GABRB1: variants seen among roughly 807,000 people sequenced by gnomAD.
GABRB1 encodes gamma-aminobutyric acid receptor subunit beta-1.
In GABRB1, 17 loss-of-function variants were observed where a neutral mutation model predicts 51.6. The observed-to-expected ratio is 0.33, with a 90% confidence interval of 0.23 to 0.49. GABRB1 has a LOEUF of 0.49. Ranked by LOEUF, GABRB1 falls within the 20% of genes least tolerant of loss-of-function variation. The pLI is 0.99. For missense variants in GABRB1, 410 were observed against 600.6 expected (o/e 0.68, Z 3.32); for synonymous variants, 247 against 218.9 (o/e 1.13, Z -1.14).
At chr4:47,323,290 A>G (rs2109966001) in intron 5 of GABRB1, among the ~76,000 whole-genome samples, 1 of 152,328 alleles carries the variant, frequency 6.6e-6, no homozygotes, top group South Asian at 2.1e-4. Flanking sequence ...TTTACTTAAA[A>G]TGAATCCCTT....
chr4:47,050,416 T>C (rs555645680), intron 3 of GABRB1, among the ~76,000 whole-genome samples: 156 of 149,488 alleles, frequency 1.0e-3, no homozygotes, highest in African/African-American at 3.2e-3. Flanking sequence ...AGGCAACAAA[T>C]ATATGTATAT....
intron 3 of GABRB1, among the ~76,000 whole-genome samples, chr4:47,058,580 C>T (rs1726716221): frequency 6.6e-6 from 1 of 152,060 alleles, no homozygotes; most frequent in Non-Finnish European, 1.5e-5. Flanking sequence ...ATTAGATTAC[C>T]CAGGAATGTT....
At chr4:47,055,016 A>G (rs1726527974) in intron 3 of GABRB1, among the ~76,000 whole-genome samples, 1 of 152,210 alleles carries the variant, frequency 6.6e-6, no homozygotes, top group Admixed American at 6.5e-5. Context: ...TCATGGCAGA[A>G]CCTGAACTGT....
intron 3 of GABRB1, among the ~76,000 whole-genome samples, chr4:47,122,919 T>C (rs1012578399): frequency 6.6e-6 from 1 of 152,168 alleles, no homozygotes; most frequent in Non-Finnish European, 1.5e-5. Context: ...CTGAAATGAC[T>C]GGTAGAATAC....
intron 1 of GABRB1, among the ~76,000 whole-genome samples, chr4:47,001,989 T>C (rs1475986169): frequency 1.3e-5 from 2 of 152,210 alleles, no homozygotes; most frequent in African/African-American, 2.4e-5. Context: ...AGTCTTAGGA[T>C]AGGCAGTTTT....
chr4:47,237,171 T>C, intron 4 of GABRB1, among the ~76,000 whole-genome samples: 1 of 152,124 alleles, frequency 6.6e-6, no homozygotes, highest in Non-Finnish European at 1.5e-5. Flanking sequence ...CAAAAATGTA[T>C]ATTATATATT....
chr4:47,290,662 G>C (rs963234211), intron 4 of GABRB1, among the ~76,000 whole-genome samples: 1 of 151,972 alleles, frequency 6.6e-6, no homozygotes, highest in African/African-American at 2.4e-5. Flanking sequence ...CTGAGGTGAT[G>C]TCAGAAGGAG....
chr4:47,111,464 A>C (rs568791792), intron 3 of GABRB1, among the ~76,000 whole-genome samples: 2 of 152,022 alleles, frequency 1.3e-5, no homozygotes, highest in Admixed American at 6.6e-5. Flanking sequence ...ATTAAGATTA[A>C]TCTTTCCTAA....
In GABRB1 at chr4:47,064,142, T is replaced by TG. The variant is rs574878260; in HGVS notation, c.240+31659dup. On this transcript the variant is annotated intron_variant, in intron 3 of 8. Coordinates refer to ENST00000295454, the MANE Select transcript of GABRB1 (RefSeq NM_000812.4). ...GGGCCTTTGCAAGAGTTTGATCAAG[T>TG]GAGCAGCCTTGAAGCTTGAGCTTCT... Among the ~76,000 whole-genome samples the TG allele has an allele frequency of 1.8e-3, 280 of 152,264 alleles. 2 individuals are homozygous for TG. Among genetic ancestry groups the TG allele is most frequent in the Non-Finnish European group, 3.1e-3 (214 of 68,004 alleles).
chr4:47,023,395 A>G (rs751529931), intron 1 of GABRB1, among the ~76,000 whole-genome samples: 1 of 151,718 alleles, frequency 6.6e-6, no homozygotes, highest in Admixed American at 6.6e-5. Flanking sequence ...CATCATTCTT[A>G]TTTTCTTTAT....
intron 4 of GABRB1, among the ~76,000 whole-genome samples, chr4:47,293,098 A>T (rs991959615): frequency 6.6e-6 from 1 of 152,180 alleles, no homozygotes; most frequent in Non-Finnish European, 1.5e-5. Context: ...ATTTGGGGGC[A>T]GAGTAAGCAC....
chr4:47,180,800 A>G (rs377036836), intron 4 of GABRB1, among the ~76,000 whole-genome samples: 2 of 152,204 alleles, frequency 1.3e-5, no homozygotes, highest in East Asian at 1.9e-4. Context: ...GATTTGGATT[A>G]ATGAATGAAG....
rs1002309323 is a variant in GABRB1, at chr4:47,017,986, G to T, written c.-19-13928G>T. On this transcript the variant is annotated intron_variant, in intron 1 of 3. Coordinates refer to the GABRB1 transcript ENST00000513567. ...CTGTTGTTATTCATGTTTTCATTTA[G>T]TTTTTCCTGCTTTAAAATAAGTTTT... Among the ~76,000 whole-genome samples, 49 of 151,946 alleles carry T rather than the reference G, an allele frequency of 3.2e-4. 1 individual carries two copies. Among genetic ancestry groups the T allele is most frequent in the Admixed American group, 2.9e-3 (44 of 15,242 alleles).
chr4:47,326,529 G>GA lies in GABRB1; in HGVS notation c.544+6326dup, dbSNP rs1293322126. 2.0e-5 allele frequency among the ~76,000 whole-genome samples: 3 copies of GA among 152,134 alleles called. No homozygotes were observed. In the East Asian group the frequency reaches 5.8e-4, roughly 29 times the overall value. ...ACTTTATCATAAATATGTACATATA[G>GA]AAAAAACATAGTATATGTAGGGTTT... is the stretch of plus-strand genomic sequence containing the variant. On this transcript the variant is annotated intron_variant, in intron 5 of 8. Transcript: ENST00000295454.
At chr4:47,231,357 C>A (rs10003607) in intron 4 of GABRB1, among the ~76,000 whole-genome samples, 30,987 of 152,008 alleles carry the variant, frequency 0.2, 3,295 homozygotes, top group East Asian at 0.25. Flanking sequence ...TTTCTTTGAG[C>A]CTTTATTCTT....
At chr4:46,994,514 CAGAGAG>C (rs139375755) in intron 1 of GABRB1, 24 of 120,986 alleles carry the variant, frequency 2.0e-4, no homozygotes, top group African/African-American at 6.4e-4. Context: ...CAGAGAGAGA[CAGAGAG>C]AGAGAGAGAG....
intron 5 of GABRB1, among the ~76,000 whole-genome samples, chr4:47,362,424 C>A (rs939116308): frequency 6.6e-6 from 1 of 152,056 alleles, no homozygotes; most frequent in Non-Finnish European, 1.5e-5. Flanking sequence ...AAATTTATAT[C>A]TGTAATGAGA....
At chr4:47,168,553 G>A (rs1234636097) in intron 4 of GABRB1, among the ~76,000 whole-genome samples, 1 of 151,996 alleles carries the variant, frequency 6.6e-6, no homozygotes, top group Admixed American at 6.6e-5. Context: ...TAGATTACCT[G>A]CTTTTAGGGT....
chr4:47,011,059 T>A (rs1048555408), intron 1 of GABRB1, among the ~76,000 whole-genome samples: 1 of 152,126 alleles, frequency 6.6e-6, no homozygotes, highest in African/African-American at 2.4e-5. Flanking sequence ...TTGGTGTGAA[T>A]AAGTTTTAGT....
Sources: gnomAD v4.1 joint callset for allele counts (sites outside exome capture counted in the v4.1 genomes callset) on GRCh38, gnomAD v4.1.1 for gene constraint, MANE v1.5 for transcripts, NCBI Gene and HGNC (gene_info 2026-07-23, HGNC 2026-07-21) for gene names.